The following ARK2C variants were observed in gnomAD, a reference collection of about 807,000 sequenced individuals.
The protein encoded by ARK2C is E3 ubiquitin-protein ligase ARK2C.
chr18:46,430,485 T>A, the ARK2C span, among the ~76,000 whole-genome samples: 4 of 152,218 alleles, frequency 2.6e-5, no homozygotes, highest in Non-Finnish European at 5.9e-5. Flanking sequence ...AGAGGCCTTT[T>A]CTATCTAGAA....
the ARK2C span, among the ~76,000 whole-genome samples, chr18:46,401,830 G>C: frequency 6.6e-6 from 1 of 152,376 alleles, no homozygotes; most frequent in Non-Finnish European, 1.5e-5. Context: ...GGCACCTCTG[G>C]TGACCACATG....
the ARK2C span, among the ~76,000 whole-genome samples, chr18:46,341,941 G>C: frequency 6.6e-6 from 1 of 152,196 alleles, no homozygotes; most frequent in Non-Finnish European, 1.5e-5. Flanking sequence ...CTACACATGG[G>C]AGCAGGGGGA....
At chr18:46,361,715 C>T in the ARK2C span, among the ~76,000 whole-genome samples, 1 of 152,260 alleles carries the variant, frequency 6.6e-6, no homozygotes, top group African/African-American at 2.4e-5. Context: ...GGGCACTGGC[C>T]TGGGCACCAA....
chr18:46,442,322 G>A, the ARK2C span, among the ~76,000 whole-genome samples: 1 of 152,080 alleles, frequency 6.6e-6, no homozygotes, highest in South Asian at 2.1e-4. Context: ...TCATGACTTT[G>A]GGTTTTCTTT....
At chr18:46,456,448 G>A in the ARK2C span, 3 of 1,110,224 alleles carry the variant, frequency 2.7e-6, no homozygotes, top group Non-Finnish European at 4.1e-6. Context: ...GGAGTCCTAG[G>A]TGTGTGTCCC....
At chr18:46,383,624 A>G in the ARK2C span, among the ~76,000 whole-genome samples, 2,555 of 137,792 alleles carry the variant, frequency 0.019, 71 homozygotes, top group African/African-American at 0.065. Context: ...GTGCGATCTC[A>G]GCTCACTGCA....
the ARK2C span, among the ~76,000 whole-genome samples, chr18:46,391,002 T>C: frequency 7.2e-5 from 11 of 152,170 alleles, no homozygotes; most frequent in African/African-American, 2.4e-4. Context: ...GCAAATGAAA[T>C]GGAAATTCTG....
the ARK2C span, among the ~76,000 whole-genome samples, chr18:46,343,817 G>C: frequency 6.6e-6 from 1 of 152,224 alleles, no homozygotes; most frequent in Non-Finnish European, 1.5e-5. Context: ...CCATGCAGTA[G>C]GTGGGAAGGG....
the ARK2C span, among the ~76,000 whole-genome samples, chr18:46,417,550 T>C: frequency 2.0e-5 from 3 of 152,272 alleles, no homozygotes; most frequent in East Asian, 5.8e-4. Context: ...ACAATAGTTA[T>C]CTTCTCAGTG....
the ARK2C span, among the ~76,000 whole-genome samples, chr18:46,431,927 T>C: frequency 2.0e-5 from 3 of 152,234 alleles, no homozygotes; most frequent in Non-Finnish European, 4.4e-5. Flanking sequence ...GTGTTCAATT[T>C]CTCAACTCTG....
chr18:46,404,845 A>C, the ARK2C span, among the ~76,000 whole-genome samples: 19 of 152,276 alleles, frequency 1.2e-4, no homozygotes, highest in Non-Finnish European at 1.9e-4. Flanking sequence ...TCAATGAAGT[A>C]GGGATTATTA....
the ARK2C span, among the ~76,000 whole-genome samples, chr18:46,441,931 G>A: frequency 1.3e-4 from 20 of 151,044 alleles, no homozygotes; most frequent in Admixed American, 6.6e-4. Context: ...TTGGGAGGCC[G>A]AGACGGGCGG....
the ARK2C span, among the ~76,000 whole-genome samples, chr18:46,428,220 C>T: frequency 1.6e-3 from 246 of 152,156 alleles, 2 homozygotes; most frequent in South Asian, 7.3e-3. Flanking sequence ...ACCATTCTGG[C>T]CAACATGGTG....
the ARK2C span, among the ~76,000 whole-genome samples, chr18:46,356,315 A>G: frequency 6.6e-6 from 1 of 152,224 alleles, no homozygotes; most frequent in Non-Finnish European, 1.5e-5. Context: ...GAAGGCAGAC[A>G]GCAAACAAGC....
the ARK2C span, among the ~76,000 whole-genome samples, chr18:46,364,636 C>T: frequency 6.6e-6 from 1 of 152,154 alleles, no homozygotes; most frequent in South Asian, 2.1e-4. Flanking sequence ...TCAGATGTGG[C>T]CAAAAGTGAG....
At chr18:46,405,454 C>T in the ARK2C span, among the ~76,000 whole-genome samples, 1 of 152,090 alleles carries the variant, frequency 6.6e-6, no homozygotes, top group African/African-American at 2.4e-5. Flanking sequence ...CAGGCAGGGA[C>T]AGGAGGGCTG....
At chr18:46,341,595 G>T in the ARK2C span, among the ~76,000 whole-genome samples, 4,341 of 152,208 alleles carry the variant, frequency 0.029, 228 homozygotes, top group African/African-American at 0.099. Context: ...ACGTCTGGGA[G>T]TTGAGACTTC....
the ARK2C span, among the ~76,000 whole-genome samples, chr18:46,389,384 C>T: frequency 6.6e-6 from 1 of 152,338 alleles, no homozygotes; most frequent in Non-Finnish European, 1.5e-5. Flanking sequence ...TAAAGTCCCA[C>T]TGGACAGACT....
chr18:46,379,926 C>T, the ARK2C span, among the ~76,000 whole-genome samples: 2 of 152,352 alleles, frequency 1.3e-5, no homozygotes, highest in South Asian at 4.1e-4. Context: ...GACGTTGCTG[C>T]CAGTGGCTCT....
Sources: gnomAD v4.1 joint callset for allele counts (sites outside exome capture counted in the v4.1 genomes callset) on GRCh38, gnomAD v4.1.1 for gene constraint, MANE v1.5 for transcripts, NCBI Gene and HGNC (gene_info 2026-07-23, HGNC 2026-07-21) for gene names.